Variants in NFILZ observed in about 807,000 individuals in gnomAD.
NFILZ encodes the protein NFIL3 like protein.
At chr19:8,647,778 T>C (rs879977923) in intron 3 of NFILZ, among the ~76,000 whole-genome samples, 62 of 106,658 alleles carry the variant, frequency 5.8e-4, no homozygotes, top group Non-Finnish European at 6.7e-4. Context: ...CACGCACACA[T>C]GCGCGCGCGC....
In NFILZ at chr19:8,677,355, G is replaced by A. The variant is rs1437681294; in HGVS notation, c.590G>A (p.Cys197Tyr). ...QTALPPALFS[C>Y]HLLEGHVGSR... ...GCCCTCCCACCTGCCCTCTTCAGCT[G>A]TCACCTCTTGGAGGGGCATGTAGGG... The change falls in exon 6 of 6, where the codon TGT becomes TAT. Residue 197 changes from cysteine to tyrosine, a missense_variant. Transcript: ENST00000691075. 1.3e-5 allele frequency among the ~76,000 whole-genome samples: 2 copies of A among 152,206 alleles called. No homozygotes were observed. Among genetic ancestry groups the A allele is most frequent in the Non-Finnish European group, 2.9e-5 (2 of 68,032 alleles).
At position 8,634,968 on chromosome 19, in the gene NFILZ, G is replaced by A. The variant is rs553667041; in HGVS notation, c.-260-682G>A. 7.2e-5 allele frequency among the ~76,000 whole-genome samples: 11 copies of A among 152,210 alleles called. No homozygotes were observed. The South Asian group carries it at 2.1e-3, about 29-fold the overall frequency. ...CCCATACATATTAGTATACGATTCT[G>A]TGATATTTGACAAACCACACAACCC... On this transcript the variant is annotated intron_variant, in intron 2 of 5. Transcript: ENST00000691075.
At chr19:8,644,635 A>AT (rs373046322) in intron 3 of NFILZ, among the ~76,000 whole-genome samples, 36 of 147,384 alleles carry the variant, frequency 2.4e-4, no homozygotes, top group Admixed American at 1.4e-3. Flanking sequence ...TATTAAAAGA[A>AT]TTTTTTTTTT....
At chr19:8,638,761 TA>T (rs1213338329) in intron 3 of NFILZ, 4 of 145,664 alleles carry the variant, frequency 2.7e-5, no homozygotes, top group African/African-American at 1.0e-4. Context: ...GAGGTGCTTC[TA>T]GGGGGATGGA....
chr19:8,678,480 TCTTG>T lies in NFILZ; in HGVS notation c.*849_*852del, dbSNP rs2043129570. On this transcript the variant is annotated 3_prime_UTR_variant, in exon 6 of 6. Coordinates refer to ENST00000691075, the MANE Select transcript of NFILZ (RefSeq NM_001378600.1). ...CCTATCCATCCATCCACCCATTCTT[TCTTG>T]CTTCTATCCATTTTCCCATCCACAC... Among the ~76,000 whole-genome samples, 1 of 149,832 alleles carries T rather than the reference TCTTG, an allele frequency of 6.7e-6. No homozygotes were observed. Among genetic ancestry groups the T allele is most frequent in the Non-Finnish European group, 1.5e-5 (1 of 67,466 alleles).
intron 3 of NFILZ, among the ~76,000 whole-genome samples, chr19:8,656,449 G>A (rs2146154594): frequency 4.0e-3 from 198 of 48,894 alleles, no homozygotes; most frequent in African/African-American, 9.4e-3. Flanking sequence ...TCTCCTCGAA[G>A]CCCACCTTCT....
At position 8,673,049 on chromosome 19, in the gene NFILZ, T is replaced by C. The variant is rs185959934; in HGVS notation, c.-163-1502T>C. ...GGGCTGTGGGGACTGGAGAGAGGGGTGGATGCAACTGTGGAGGAGCGATTA... is the reference window on the plus strand; with the variant it reads ...GGGCTGTGGGGACTGGAGAGAGGGGCGGATGCAACTGTGGAGGAGCGATTA... On this transcript the variant is annotated intron_variant, in intron 3 of 5. Coordinates refer to ENST00000691075, the MANE Select transcript of NFILZ (RefSeq NM_001378600.1). 7.6e-4 allele frequency among the ~76,000 whole-genome samples: 115 copies of C among 151,260 alleles called. 2 individuals carry two copies. In the East Asian group the frequency reaches 0.022, roughly 28 times the overall value.
In NFILZ at chr19:8,647,797, A is replaced by G. The variant is rs1219617288; in HGVS notation, c.-164+12051A>G. 4.2e-3 allele frequency among the ~76,000 whole-genome samples: 258 copies of G among 61,664 alleles called. 2 individuals carry two copies. Among genetic ancestry groups the G allele is most frequent in the African/African-American group, 0.015 (194 of 13,130 alleles). 40.5% of individuals were successfully genotyped at this position (61,664 alleles called of 152,430 possible). A position where few individuals can be genotyped will look rare whatever the true frequency, so the allele number is the denominator to read the frequency against. On this transcript the variant is annotated intron_variant, in intron 3 of 5. Transcript: ENST00000691075. Reference sequence around the variant, plus strand: ...CACACATGCGCGCGCGCGCGCGCGCACACACACACACACACACACACACAC... The same window carrying G: ...CACACATGCGCGCGCGCGCGCGCGCGCACACACACACACACACACACACAC...
At chr19:8,665,147 C>T (rs2043055919) in intron 3 of NFILZ, among the ~76,000 whole-genome samples, 1 of 152,102 alleles carries the variant, frequency 6.6e-6, no homozygotes, top group Non-Finnish European at 1.5e-5. Flanking sequence ...ATGGTGGAAT[C>T]CCACTGGGTC....
intron 3 of NFILZ, among the ~76,000 whole-genome samples, chr19:8,654,093 A>G (rs782686441): frequency 6.6e-6 from 1 of 152,106 alleles, no homozygotes; most frequent in African/African-American, 2.4e-5. Context: ...TTAGCTGAGC[A>G]TGGTGGCAGG....
intron 5 of NFILZ, among the ~76,000 whole-genome samples, 96 bp from the exon 6 acceptor site, chr19:8,676,655 C>T (rs1342606334): frequency 6.6e-6 from 1 of 152,230 alleles, no homozygotes; most frequent in Non-Finnish European, 1.5e-5. Flanking sequence ...CCTGTCCCCT[C>T]CATGGGTGAT....
At chr19:8,666,487 CTT>C (rs1327273372) in intron 3 of NFILZ, among the ~76,000 whole-genome samples, 1 of 151,786 alleles carries the variant, frequency 6.6e-6, no homozygotes, top group Non-Finnish European at 1.5e-5. Flanking sequence ...TGCCAGGTAT[CTT>C]ATATCTTATA....
In NFILZ at chr19:8,653,608, G is replaced by A. The variant is rs537872036; in HGVS notation, c.-164+17862G>A. Among the ~76,000 whole-genome samples, 7 of 152,262 alleles carry A rather than the reference G, an allele frequency of 4.6e-5. No individual in the cohort carries two copies. In the South Asian group the frequency reaches 1.0e-3, roughly 23 times the overall value. On this transcript the variant is annotated intron_variant, in intron 3 of 5. Coordinates refer to ENST00000691075, the MANE Select transcript of NFILZ (RefSeq NM_001378600.1). ...CAATCAATGAGTGGATAAAGAAAAC[G>A]TGGTATATATACATCATGGAATATT...
chr19:8,630,871 AG>A (rs2042866516), intron 1 of NFILZ, 127 bp downstream of exon 1: 1 of 152,268 alleles, frequency 6.6e-6, no homozygotes, highest in Non-Finnish European at 1.5e-5. Flanking sequence ...CGGTTGGATC[AG>A]CTTATTCCCC....
chr19:8,675,266 G>A (rs1325367369), intron 4 of NFILZ, among the ~76,000 whole-genome samples: 7 of 152,206 alleles, frequency 4.6e-5, no homozygotes, highest in East Asian at 1.9e-4. Context: ...GGCTCCTTCC[G>A]CCTTGCTGTG....
intron 3 of NFILZ, among the ~76,000 whole-genome samples, chr19:8,643,447 A>C (rs1449393731): frequency 6.6e-6 from 1 of 152,154 alleles, no homozygotes; most frequent in Non-Finnish European, 1.5e-5. Context: ...TGGGTTAAAC[A>C]TTATTTCTGA....
In NFILZ at chr19:8,647,789, GCGCGCGCACACACACACACACACA is replaced by G. The variant is rs1200241262; in HGVS notation, c.-164+12045_-164+12068del. Among the ~76,000 whole-genome samples the G allele has an allele frequency of 1.4e-3, 149 of 108,006 alleles. 2 individuals are homozygous for G. The highest frequency in any genetic ancestry group is 2.3e-3 in the Non-Finnish European group (125 of 54,332). The allele number at this position is 108,006 out of a possible 152,430, so 70.9% of individuals were successfully genotyped here. A position where few individuals can be genotyped will look rare whatever the true frequency, so the allele number is the denominator to read the frequency against. ...CACACACGCACACATGCGCGCGCGC[GCGCGCGCACACACACACACACACA>G]CACACACACACACACACACACACAA... On this transcript the variant is annotated intron_variant, in intron 3 of 5. Coordinates refer to ENST00000691075, the MANE Select transcript of NFILZ (RefSeq NM_001378600.1).
At chr19:8,653,015 T>C (rs1254934105) in intron 3 of NFILZ, among the ~76,000 whole-genome samples, 76 of 46,050 alleles carry the variant, frequency 1.7e-3, no homozygotes, top group Admixed American at 6.4e-3. Context: ...TTCCTTCCTT[T>C]CTTTCTTTCT....
intron 3 of NFILZ, among the ~76,000 whole-genome samples, chr19:8,645,672 G>T (rs143411594): frequency 2.6e-5 from 4 of 152,194 alleles, no homozygotes; most frequent in Admixed American, 2.6e-4. Flanking sequence ...TGGCCCTAGA[G>T]GGTGTGGGTA....
Sources: allele counts gnomAD v4.1 joint callset (sites outside exome capture counted in the v4.1 genomes callset), GRCh38; gene constraint gnomAD v4.1.1; transcripts MANE v1.5; gene names NCBI Gene and HGNC (gene_info 2026-07-23, HGNC 2026-07-21).